Variants in FBXL16 observed in about 807,000 individuals in gnomAD.
FBXL16 encodes F-box and leucine rich repeat protein 16, also known as F-box/LRR-repeat protein 16.
In FBXL16, 7 loss-of-function variants were observed where a neutral mutation model predicts 36.7. The observed-to-expected ratio is 0.19, with a 90% CI of 0.11 to 0.36. FBXL16 has a LOEUF of 0.36. Ranked by LOEUF, FBXL16 falls within the 10% of genes least tolerant of loss-of-function variation. The probability of loss-of-function intolerance (pLI) is 1.00; values close to 1 mark genes in which losing one functional copy is unlikely to be tolerated. For missense variants in FBXL16, 463 were observed against 659.4 expected (o/e 0.70, Z 3.26); for synonymous variants, 355 against 308.7 (o/e 1.15, Z -1.57).
rs1378881250 is a variant in FBXL16, at chr16:695,662, G to A, written c.895C>T (p.Leu299=). The A allele has an allele frequency of 1.9e-6, 3 of 1,606,448 alleles. No individual in the cohort carries two copies. In the Admixed American group the frequency reaches 5.0e-5, roughly 27 times the overall value. The change falls in exon 3 of 6, where the codon CTG becomes TTG. Residue 299 remains leucine (L), a synonymous_variant. Transcript: ENST00000397621. ...TARQGHSTHT[L]RLLSCWEITN... ...ATCTCCCAGCAGGAGAGCAGGCGCA[G>A]CGTGTGCGTGCTGTGGCCCTGGCGC...
chr16:705,788 G>C lies in FBXL16; in HGVS notation c.-291C>G, dbSNP rs144134117. The C allele has an allele frequency of 1.3e-5, 2 of 148,902 alleles. No homozygotes were observed. The highest frequency in any genetic ancestry group is 6.7e-5 in the Admixed American group (1 of 14,962). The allele number at this position is 148,902 out of a possible 1,614,324, so 9.2% of individuals were successfully genotyped here. A position where few individuals can be genotyped will look rare whatever the true frequency, so the allele number is the denominator to read the frequency against. On this transcript the variant is annotated 5_prime_UTR_variant, in exon 1 of 6. Coordinates refer to ENST00000397621, the MANE Select transcript of FBXL16 (RefSeq NM_153350.4). ...ATAAGGCCGCTTTGCAGGGAACCAG[G>C]CGGGCGCCTCCTCCTCCCCTCGCCC...
In FBXL16 at chr16:697,311, G is replaced by A. The variant is rs191802593; in HGVS notation, c.95C>T (p.Ala32Val). The stretch of plus-strand genomic sequence containing the variant: ...TGGCGTGCCCTTGGTGATGCTGGCC[G>A]CACCCAGGCCGTTGGGCTGGCCCGG... ...KLPGQPNGLG[A>V]ASITKGTPAT... The change falls in exon 2 of 6, where the codon GCG (alanine) becomes GTG (valine). Residue 32 changes from alanine (A) to valine (V), a missense_variant. Coordinates refer to ENST00000397621, the MANE Select transcript of FBXL16 (RefSeq NM_153350.4). This position sits in a 1 kb window ranked among gnomAD's most constrained non-coding sequence, Gnocchi z 4.6. The A allele has an allele frequency of 1.1e-5, 17 of 1,534,364 alleles. No homozygotes were observed. Among genetic ancestry groups the A allele is most frequent in the Admixed American group, 5.9e-5 (3 of 50,892 alleles).
intron 1 of FBXL16, among the ~76,000 whole-genome samples, chr16:701,249 T>C (rs887472442): frequency 4.6e-5 from 7 of 152,132 alleles, no homozygotes; most frequent in Admixed American, 3.3e-4. Flanking sequence ...GTCCGGGGCC[T>C]GGCTTCCCTC....
At chr16:694,847 C>T in intron 4 of FBXL16, 145 bp downstream of exon 4, 1 of 1,245,844 alleles carries the variant, frequency 8.0e-7, no homozygotes, top group South Asian at 1.4e-5. Flanking sequence ...TCGTGGGGGC[C>T]GCCGGGACCC....
rs1325724892 is a variant in FBXL16 at position 705,667 on chromosome 16, G to C, written c.-170C>G. 6.7e-6 allele frequency: 1 copy of C among 148,614 alleles called. No individual in the cohort carries two copies. Among genetic ancestry groups the C allele is most frequent in the Non-Finnish European group, 1.5e-5 (1 of 66,640 alleles). 9.2% of individuals were successfully genotyped at this position (148,614 alleles called of 1,614,324 possible). Reference sequence around the variant, plus strand: ...TGCGCCCCGCGTCCCGTCCTGGCCGGGCCCCCTCGGCAGCGCACGGAAAGG... The same window carrying C: ...TGCGCCCCGCGTCCCGTCCTGGCCGCGCCCCCTCGGCAGCGCACGGAAAGG... On this transcript the variant is annotated 5_prime_UTR_variant, in exon 1 of 6. Coordinates refer to ENST00000397621, the MANE Select transcript of FBXL16 (RefSeq NM_153350.4).
In FBXL16 at chr16:697,322, G is replaced by A. The variant is rs372597497; in HGVS notation, c.84C>T (p.Asn28=). The A allele has an allele frequency of 2.5e-3, 3,796 of 1,535,378 alleles. 3 individuals carry two copies. Among genetic ancestry groups the A allele is most frequent in the Non-Finnish European group, 2.9e-3 (3,379 of 1,146,600 alleles). The stretch of plus-strand genomic sequence containing the variant: ...TGGTGATGCTGGCCGCACCCAGGCC[G>A]TTGGGCTGGCCCGGCAGCTTCACCA... ...NGLVKLPGQP[N]GLGAASITKG... is the part of the protein sequence containing the mutation. The change falls in exon 2 of 6, where the codon AAC becomes AAT. Residue 28 remains asparagine (N), a synonymous_variant. Coordinates refer to ENST00000397621, the MANE Select transcript of FBXL16 (RefSeq NM_153350.4). The surrounding 1 kb of genome is among the most constrained non-coding windows in gnomAD (Gnocchi z 4.6).
chr16:695,365 T>TGCAGCCCCGCCCGGC, intron 3 of FBXL16, 50 bp downstream of exon 3: 5 of 1,219,328 alleles, frequency 4.1e-6, no homozygotes, highest in Non-Finnish European at 5.3e-6. Flanking sequence ...CCCCGCCCCG[T>TGCAGCCCCGCCCGGC]GCAGCCCCGC....
In FBXL16 at chr16:697,104, ATCT is replaced by A; in HGVS notation, c.299_301del (p.Lys100del). On this transcript the variant is annotated inframe_deletion, in exon 2 of 6. Transcript: ENST00000397621. This position sits in a 1 kb window ranked among gnomAD's most constrained non-coding sequence, Gnocchi z 4.6. Reference sequence around the variant, plus strand: ...GAAATACCAGAAGAGCCCATTGAGGATCTTCTCGTCCGTGGCCAGCGGCGGCCG... The same window carrying A: ...GAAATACCAGAAGAGCCCATTGAGGATCTCGTCCGTGGCCAGCGGCGGCCG... 6.2e-7 allele frequency: 1 copy of A among 1,607,748 alleles called. No individual in the cohort carries two copies. Among genetic ancestry groups the A allele is most frequent in the Non-Finnish European group, 8.5e-7 (1 of 1,177,388 alleles).
intron 2 of FBXL16, chr16:696,144 G>A (rs1038834305): frequency 5.1e-6 from 3 of 593,828 alleles, no homozygotes; most frequent in African/African-American, 3.8e-5. Context: ...GCTGCCAGGC[G>A]GCTCCTCTGA....
intron 1 of FBXL16, among the ~76,000 whole-genome samples, chr16:702,605 G>A (rs937463405): frequency 1.3e-5 from 2 of 152,248 alleles, no homozygotes; most frequent in Non-Finnish European, 2.9e-5. Context: ...GCCCCCGGAG[G>A]GCTGATGGAG....
intron 3 of FBXL16, 97 bp downstream of exon 3, chr16:695,318 G>T: frequency 9.2e-7 from 1 of 1,088,076 alleles, no homozygotes; most frequent in Non-Finnish European, 1.1e-6. Context: ...AGCCCCGCCG[G>T]AAGCCCCCGC....
Position 696,985 on chromosome 16 carries a change from G to T in FBXL16, c.421C>A (p.Leu141Met). The change falls in exon 2 of 6, where the codon CTG (leucine) becomes ATG (methionine). Residue 141 changes from leucine (L) to methionine (M), a missense_variant. By Grantham distance (15) the Leu-to-Met change is conservative. Transcript: ENST00000397621. ...ACGTTGTAGAGCTCCTTGGCATGCA[G>T]CACCGGCGTGAGGCCTGCCCAGAAC... ...PKFWAGLTPV[L>M]HAKELYNVLP... 1 of 1,595,776 alleles carries T rather than the reference G, an allele frequency of 6.3e-7. No individual in the cohort carries two copies. Among genetic ancestry groups the T allele is most frequent in the Non-Finnish European group, 8.5e-7 (1 of 1,172,002 alleles).
rs560721014 is a variant in FBXL16 at position 697,971 on chromosome 16, G to A, written c.-14-552C>T. ...GCCGAGATTGCGCCACTGCACTCCA[G>A]CCTGGGCAACTGAGCAAGACTCTGT... On this transcript the variant is annotated intron_variant, in intron 1 of 5. Coordinates refer to ENST00000397621, the MANE Select transcript of FBXL16 (RefSeq NM_153350.4). The surrounding 1 kb of genome is among the most constrained non-coding windows in gnomAD (Gnocchi z 4.6). Among the ~76,000 whole-genome samples the A allele has an allele frequency of 6.6e-6, 1 of 151,562 alleles. No homozygotes were observed. The highest frequency in any genetic ancestry group is 2.4e-5 in the African/African-American group (1 of 41,252).
chr16:703,310 T>C (rs56342020), intron 1 of FBXL16, among the ~76,000 whole-genome samples: 6,194 of 151,716 alleles, frequency 0.041, 435 homozygotes, highest in African/African-American at 0.14. Context: ...CTGGGAAACC[T>C]CCTCACCCCT....
chr16:702,305 C>G (rs1213360488), intron 1 of FBXL16, among the ~76,000 whole-genome samples: 1 of 152,170 alleles, frequency 6.6e-6, no homozygotes, highest in Non-Finnish European at 1.5e-5. Context: ...TGCCTTAGCC[C>G]TGCAAGCTCT....
Position 697,136 on chromosome 16 carries a change from C to T in FBXL16, c.270G>A (p.Ala90=), listed in dbSNP as rs760206887. Residue 90 remains alanine (A), a synonymous_variant, in exon 2 of 6, where the codon GCG becomes GCA. Transcript: ENST00000397621. The surrounding 1 kb of genome is among the most constrained non-coding windows in gnomAD (Gnocchi z 4.6). ...PASALAPGHP[A]ERPPLATDEK... ...CGTCCGTGGCCAGCGGCGGCCGCTC[C>T]GCTGGGTGCCCAGGTGCCAAGGCTG... 23 of 1,601,778 alleles carry T rather than the reference C, an allele frequency of 1.4e-5. No individual in the cohort carries two copies. The highest frequency in any genetic ancestry group is 1.8e-5 in the Non-Finnish European group (21 of 1,175,436).
chr16:700,131 C>G (rs1405369348), intron 1 of FBXL16, among the ~76,000 whole-genome samples: 3 of 152,362 alleles, frequency 2.0e-5, no homozygotes, highest in Non-Finnish European at 4.4e-5. Context: ...CCAGACAGGG[C>G]CAGCCTTGCC....
At chr16:705,046 G>A (rs1344800146) in intron 1 of FBXL16, among the ~76,000 whole-genome samples, 3 of 152,124 alleles carry the variant, frequency 2.0e-5, no homozygotes, top group Admixed American at 1.3e-4. Flanking sequence ...CCCGCGGGCA[G>A]TAGCTCAGCG....
Position 696,864 on chromosome 16 carries a change from A to G in FBXL16, c.542T>C (p.Ile181Thr), listed in dbSNP as rs2151520680. 1 of 1,606,048 alleles carries G rather than the reference A, an allele frequency of 6.2e-7. No homozygotes were observed. Among genetic ancestry groups the G allele is most frequent in the East Asian group, 2.2e-5 (1 of 44,694 alleles). Residue 181 changes from isoleucine (I) to threonine (T), a missense_variant, in exon 2 of 6, where the codon ATC becomes ACC. Physicochemically the swap from Ile to Thr is moderately conservative, Grantham distance 89 (BLOSUM62 -1). Coordinates refer to ENST00000397621, the MANE Select transcript of FBXL16 (RefSeq NM_153350.4). Reference protein sequence around the residue: ...FCLVGVSDLDICEFIDNYALS... With the variant: ...FCLVGVSDLDTCEFIDNYALS... ...CGCATAGTTGTCAATGAACTCACAG[A>G]TGTCCAGGTCGGAGACGCCAACCAG... is the stretch of plus-strand genomic sequence containing the variant.
Sources: allele counts gnomAD v4.1 joint callset (sites outside exome capture counted in the v4.1 genomes callset), GRCh38; gene constraint gnomAD v4.1.1; non-coding constraint Gnocchi (gnomAD v3.1); transcripts MANE v1.5; gene names NCBI Gene and HGNC (gene_info 2026-07-23, HGNC 2026-07-21).